Variants in NEB observed in about 807,000 individuals in gnomAD.
NEB encodes the protein nemaline myopathy type 2.
A neutral mutation model predicts 952.2 loss-of-function variants in NEB; 512 were observed. The observed-to-expected ratio is 0.54, with a 90% CI of 0.50 to 0.58. The LOEUF (loss-of-function observed/expected upper bound fraction) is 0.58, where lower values mean the gene tolerates loss of function less well. Ranked by LOEUF, NEB falls within the 20% of genes least tolerant of loss-of-function variation. The pLI is 0.00. For missense variants in NEB, 8,428 were observed against 9,231.1 expected (o/e 0.91, Z 3.56); for synonymous variants, 2,900 against 3,149.8 (o/e 0.92, Z 2.66).
rs146397445 is a variant in NEB, at chr2:151,677,227, G to T, written c.3774+338C>A. Among the ~76,000 whole-genome samples, 226 of 152,286 alleles carry T rather than the reference G, an allele frequency of 1.5e-3. 1 individual carries two copies. Among genetic ancestry groups the T allele is most frequent in the African/African-American group, 5.2e-3 (215 of 41,562 alleles). On this transcript the variant is annotated intron_variant, in intron 34 of 181. Coordinates refer to ENST00000397345, the MANE Select transcript of NEB (RefSeq NM_001164508.2). ...TACAACAAATCTGCCACAATAAAGT[G>T]TCTGGGATTTAAGCTTAAATTCTGT... is the stretch of plus-strand genomic sequence containing the variant.
intron 38 of NEB, among the ~76,000 whole-genome samples, chr2:151,670,359 C>A (rs78415336): frequency 0.01 from 1,534 of 152,266 alleles, 34 homozygotes; most frequent in African/African-American, 0.034. Flanking sequence ...TAACAGAACT[C>A]TAAAATTAAC....
Position 151,694,529 on chromosome 2 carries a change from G to C in NEB, c.1775C>G (p.Thr592Ser), listed in dbSNP as rs375128171. The C allele has an allele frequency of 6.2e-7, 1 of 1,613,326 alleles. No individual in the cohort carries two copies. Among genetic ancestry groups the C allele is most frequent in the African/African-American group, 1.3e-5 (1 of 74,894 alleles). The change falls in exon 19 of 182, where the codon ACC becomes AGC. Residue 592 changes from threonine to serine, a missense_variant. Physicochemically the swap from Thr to Ser is moderately conservative, Grantham distance 58. Coordinates refer to ENST00000397345, the MANE Select transcript of NEB (RefSeq NM_001164508.2). ...TCCCCAGGCCACACTCACATCGCTG[G>C]TGTTCTTGGTGTTGGCTTTGGCTGC... Reference protein sequence around the residue: ...LLAAKANTKNTSDVMYKKDYE... With the variant: ...LLAAKANTKNSSDVMYKKDYE...
intron 39 of NEB, 73 bp from the exon 40 acceptor site, chr2:151,667,984 TC>T: frequency 1.7e-6 from 2 of 1,206,224 alleles, no homozygotes; most frequent in Non-Finnish European, 2.4e-6. Flanking sequence ...CCAAAATGTT[TC>T]TTATAAAACA....
chr2:151,661,277 A>G (rs758076320), intron 46 of NEB, among the ~76,000 whole-genome samples: 5 of 152,184 alleles, frequency 3.3e-5, no homozygotes, highest in Non-Finnish European at 5.9e-5. Flanking sequence ...ATCTTAAAAG[A>G]GGCACAGAAA....
intron 107 of NEB, among the ~76,000 whole-genome samples, chr2:151,571,476 T>C (rs1298768680): frequency 6.6e-6 from 1 of 152,250 alleles, no homozygotes; most frequent in Non-Finnish European, 1.5e-5. Context: ...ATTCAATTTA[T>C]TTATCTCTAA....
At chr2:151,635,810 G>A (rs4664493) in intron 64 of NEB, among the ~76,000 whole-genome samples, 91,708 of 151,778 alleles carry the variant, frequency 0.6, 28,328 homozygotes, top group East Asian at 0.79. Flanking sequence ...AGCAAGCACC[G>A]CATGTGTTTT....
chr2:151,539,894 G>T (rs2093793430), intron 138 of NEB, among the ~76,000 whole-genome samples: 1 of 152,096 alleles, frequency 6.6e-6, no homozygotes, highest in South Asian at 2.1e-4. Flanking sequence ...ACATTATCTT[G>T]TTTGGTTTTA....
intron 139 of NEB, 47 bp downstream of exon 139, chr2:151,538,093 T>C (rs1182923244): frequency 3.3e-6 from 5 of 1,515,504 alleles, no homozygotes; most frequent in Non-Finnish European, 3.7e-6. Flanking sequence ...TATATGTATA[T>C]GGTGAGTTGT....
Position 151,663,839 on chromosome 2 carries a change from A to G in NEB, c.5472T>C (p.Tyr1824=), listed in dbSNP as rs1558984290. 2.5e-6 allele frequency: 4 copies of G among 1,613,640 alleles called. No homozygotes were observed. The highest frequency in any genetic ancestry group is 3.4e-6 in the Non-Finnish European group (4 of 1,179,654). The stretch of plus-strand genomic sequence containing the variant: ...CAATGTGTTTCCCTTTGGCTTGTTC[A>G]TAGGCTTTCTTGTATTTGTACTGTG... The part of the protein sequence containing the change: ...IASDYKYKKA[Y]EQAKGKHIGF... The change falls in exon 45 of 182, where the codon TAT becomes TAC. Residue 1824 remains tyrosine (Y), a synonymous_variant. Transcript: ENST00000397345.
At chr2:151,639,507 GT>G (rs780754205) in intron 62 of NEB, 123 bp from the exon 63 acceptor site, 82 of 676,494 alleles carry the variant, frequency 1.2e-4, no homozygotes, top group Non-Finnish European at 1.7e-4. Context: ...CACATTATGT[GT>G]TTTATGCACA....
At chr2:151,718,806 G>A (rs2099766377) in intron 9 of NEB, among the ~76,000 whole-genome samples, 1 of 152,118 alleles carries the variant, frequency 6.6e-6, no homozygotes, top group Non-Finnish European at 1.5e-5. Flanking sequence ...CACAAATAAT[G>A]CATATCCTTC....
intron 65 of NEB, among the ~76,000 whole-genome samples, chr2:151,631,945 C>T (rs1457086105): frequency 6.6e-6 from 1 of 152,118 alleles, no homozygotes; most frequent in Admixed American, 6.6e-5. Context: ...CCTTTAAAAA[C>T]ACAGTTAAAA....
At chr2:151,525,410 T>C (rs1226528996) in intron 150 of NEB, 137 bp from the exon 151 acceptor site, 6 of 639,654 alleles carry the variant, frequency 9.4e-6, no homozygotes, top group Non-Finnish European at 1.4e-5. Flanking sequence ...AAGACCCATA[T>C]TCTAGTTCTT....
At chr2:151,618,910 A>G (rs1385898128) in intron 73 of NEB, among the ~76,000 whole-genome samples, 1 of 152,186 alleles carries the variant, frequency 6.6e-6, no homozygotes, top group Non-Finnish European at 1.5e-5. Context: ...AGGAAATGTG[A>G]TGTTACAGAG....
chr2:151,717,409 T>C lies in NEB; in HGVS notation c.822+7A>G, dbSNP rs2099762082. On this transcript the variant is annotated splice_region_variant and intron_variant, in intron 10 of 181. Transcript: ENST00000397345. ...AGGGAGGCAATGTCCCAGCTCTATT[T>C]ACTTACCTTGCTCACTTGATTGGTT... is the stretch of plus-strand genomic sequence containing the variant. The C allele has an allele frequency of 6.3e-7, 1 of 1,593,744 alleles. No individual in the cohort carries two copies. The highest frequency in any genetic ancestry group is 1.3e-5 in the African/African-American group (1 of 74,778).
At chr2:151,496,710 C>T (rs2060466505) in intron 172 of NEB, among the ~76,000 whole-genome samples, 2 of 151,832 alleles carry the variant, frequency 1.3e-5, no homozygotes, top group African/African-American at 4.8e-5. Context: ...AACGGAAAAA[C>T]TCATTTTTAA....
chr2:151,627,602 T>C lies in NEB; in HGVS notation c.10064A>G (p.Asn3355Ser). Residue 3355 changes from asparagine (N) to serine (S), a missense_variant, in exon 69 of 182, where the codon AAC becomes AGC. Physicochemically the swap from Asn to Ser is conservative, Grantham distance 46. Around this residue, in one of 11 missense-constraint regions of NEB, gnomAD observed 1,772 missense variants for 1,960.3 expected, o/e 0.90. Coordinates refer to ENST00000397345, the MANE Select transcript of NEB (RefSeq NM_001164508.2). ...CAGGCACGTCCACTCGTGCAGGTAG[T>C]TCTTGTAGTCCACATCGCTGACTAA... is the stretch of plus-strand genomic sequence containing the variant. ...QTLVSDVDYK[N>S]YLHEWTCLPD... 1 of 1,614,018 alleles carries C rather than the reference T, an allele frequency of 6.2e-7. No homozygotes were observed. Among genetic ancestry groups the C allele is most frequent in the Non-Finnish European group, 8.5e-7 (1 of 1,179,888 alleles).
intron 32 of NEB, 141 bp from the exon 33 acceptor site, chr2:151,678,328 T>C: frequency 1.7e-6 from 1 of 592,278 alleles, no homozygotes; most frequent in Non-Finnish European, 3.0e-6. Context: ...CACTTGCATA[T>C]GCTCTGAAAT....
At chr2:151,594,771 T>C (rs1482694575) in intron 92 of NEB, among the ~76,000 whole-genome samples, 8 of 88,010 alleles carry the variant, frequency 9.1e-5, no homozygotes, top group African/African-American at 3.4e-4. Flanking sequence ...GCACAGGTGA[T>C]AATCTCCATC....
Sources: allele counts gnomAD v4.1 joint callset (sites outside exome capture counted in the v4.1 genomes callset), GRCh38; gene constraint gnomAD v4.1.1; regional missense constraint gnomAD v4.1.1; transcripts MANE v1.5; gene names NCBI Gene and HGNC (gene_info 2026-07-23, HGNC 2026-07-21).